PCDHA7: variants seen among roughly 807,000 people sequenced by gnomAD.
PCDHA7 encodes the protein protocadherin alpha 7.
Under a neutral mutation model 57.2 loss-of-function variants are expected in PCDHA7, and 37 were observed. That is an observed-to-expected ratio of 0.65 (90% CI 0.50 to 0.85). The LOEUF (loss-of-function observed/expected upper bound fraction) is 0.85, where lower values mean the gene tolerates loss of function less well. Ranked by LOEUF, PCDHA7 falls within the 40% of genes least tolerant of loss-of-function variation. PCDHA7 has a pLI of 0.00. For missense variants in PCDHA7, 1,188 were observed against 1,241.8 expected, an observed-to-expected ratio of 0.96 and a Z score of 0.65; for synonymous variants, 553 against 558.8, an observed-to-expected ratio of 0.99 and a Z score of 0.15.
intron 3 of PCDHA7, among the ~76,000 whole-genome samples, chr5:140,996,121 G>A (rs2097712758): frequency 6.6e-6 from 1 of 152,212 alleles, no homozygotes; most frequent in Admixed American, 6.5e-5. Flanking sequence ...GTGCAGGGTG[G>A]TGTAGAGGGT....
At chr5:140,965,607 T>C (rs2095916367) in intron 1 of PCDHA7, among the ~76,000 whole-genome samples, 1 of 152,088 alleles carries the variant, frequency 6.6e-6, no homozygotes, top group Non-Finnish European at 1.5e-5. Flanking sequence ...CTTGAAGACA[T>C]TGTCATCCAT....
At chr5:140,927,868 C>T (rs782143210) in intron 1 of PCDHA7, 2 of 1,614,220 alleles carry the variant, frequency 1.2e-6, no homozygotes, top group Admixed American at 1.7e-5. Flanking sequence ...CACCGCTAAA[C>T]TGCTGGTGGA....
chr5:140,868,850 G>C, intron 1 of PCDHA7: 3 of 459,172 alleles, frequency 6.5e-6, no homozygotes, highest in South Asian at 5.9e-5. Flanking sequence ...GTGAAATTCT[G>C]TGGTGGTAAA....
chr5:141,010,293 G>A lies in PCDHA7; in HGVS notation c.*356G>A. ...ATCCTGTCTTGATGACACTTGCAGG[G>A]CAGGCTGAAAAGTTTTGAGATTGAG... On this transcript the variant is annotated 3_prime_UTR_variant, in exon 4 of 4. Transcript: ENST00000525929. The A allele has an allele frequency of 6.5e-7, 1 of 1,549,794 alleles. No individual in the cohort carries two copies. The highest frequency in any genetic ancestry group is 2.4e-5 in the East Asian group (1 of 40,902).
intron 1 of PCDHA7, chr5:140,870,343 C>G (rs375366430): frequency 1.7e-5 from 28 of 1,614,042 alleles, no homozygotes; most frequent in Non-Finnish European, 2.2e-5. Context: ...CGCCCTGGAC[C>G]GCGAGAACGT....
intron 3 of PCDHA7, among the ~76,000 whole-genome samples, chr5:140,992,665 T>A (rs1219714191): frequency 2.6e-5 from 4 of 152,096 alleles, no homozygotes; most frequent in Non-Finnish European, 5.9e-5. Context: ...CTGATTGGTG[T>A]GTATGTGTGT....
At chr5:140,913,166 GTTC>G (rs1273182839) in intron 1 of PCDHA7, among the ~76,000 whole-genome samples, 1 of 152,160 alleles carries the variant, frequency 6.6e-6, no homozygotes, top group Non-Finnish European at 1.5e-5. Flanking sequence ...ATTGGTATTA[GTTC>G]TTCTTTAAAT....
intron 1 of PCDHA7, chr5:140,860,992 T>C (rs173699): frequency 1 from 152,392 of 152,392 alleles, 76,196 homozygotes; most frequent in Non-Finnish European, 1. Context: ...CGGCCTCGGC[T>C]TCCCAAAGTG....
rs934191848 is a variant in PCDHA7 at position 140,866,248 on chromosome 5, C to A, written c.2355+29510C>A. 5.9e-5 allele frequency: 9 copies of A among 152,184 alleles called. 1 individual carries two copies. Among genetic ancestry groups the A allele is most frequent in the Admixed American group, 3.9e-4 (6 of 15,284 alleles). 9.4% of individuals were successfully genotyped at this position (152,184 alleles called of 1,614,324 possible). A position where few individuals can be genotyped will look rare whatever the true frequency, so the allele number is the denominator to read the frequency against. ...TAAATACTATATACCAAAAATGACACCCTTCTTTCTTTACTGTGAATAAAG... is the reference window on the plus strand; with the variant it reads ...TAAATACTATATACCAAAAATGACAACCTTCTTTCTTTACTGTGAATAAAG... On this transcript the variant is annotated intron_variant, in intron 1 of 3. Coordinates refer to ENST00000525929, the MANE Select transcript of PCDHA7 (RefSeq NM_018910.3).
intron 3 of PCDHA7, among the ~76,000 whole-genome samples, chr5:141,000,885 G>C (rs1213239926): frequency 6.6e-6 from 1 of 151,922 alleles, no homozygotes; most frequent in African/African-American, 2.4e-5. Context: ...TCCAACCTGG[G>C]CAACAGATAT....
At chr5:140,870,634 G>T in intron 1 of PCDHA7, 1 of 1,612,862 alleles carries the variant, frequency 6.2e-7, no homozygotes, top group Non-Finnish European at 8.5e-7. Context: ...GTCGGTGCAC[G>T]CGGAGAGCGG....
Position 140,835,560 on chromosome 5 carries a change from G to T in PCDHA7, c.1177G>T (p.Val393Phe), listed in dbSNP as rs2150238266. The change falls in exon 1 of 4, where the codon GTT becomes TTT. Residue 393 changes from valine to phenylalanine, a missense_variant. By Grantham distance (50) the Val-to-Phe change is conservative. This residue lies in a region of PCDHA7 where 892 missense variants were observed against 788.5 expected (regional missense o/e 1.13). Coordinates refer to ENST00000525929, the MANE Select transcript of PCDHA7 (RefSeq NM_018910.3). ...GGTTACCTGCTCCCTGACGCCCCGCGTTCCCTTCAAGTTGGTGTCCACCTT... is the reference window on the plus strand; with the variant it reads ...GGTTACCTGCTCCCTGACGCCCCGCTTTCCCTTCAAGTTGGTGTCCACCTT... ...GQVTCSLTPR[V>F]PFKLVSTFKN... 1 of 1,613,902 alleles carries T rather than the reference G, an allele frequency of 6.2e-7. No homozygotes were observed. The highest frequency in any genetic ancestry group is 1.1e-5 in the South Asian group (1 of 91,070).
chr5:140,882,346 G>A (rs146510190), intron 1 of PCDHA7: 86 of 1,614,078 alleles, frequency 5.3e-5, no homozygotes, highest in African/African-American at 9.3e-5. Flanking sequence ...CCTGGGAGAC[G>A]GGTAGTGGCC....
chr5:140,938,843 C>T (rs1232774282), intron 1 of PCDHA7, among the ~76,000 whole-genome samples: 3 of 152,012 alleles, frequency 2.0e-5, no homozygotes, highest in Admixed American at 6.6e-5. Flanking sequence ...AACAAACCTG[C>T]CCATGTACCC....
chr5:140,838,334 G>A lies in PCDHA7; in HGVS notation c.2355+1596G>A, dbSNP rs2150288149. Among the ~76,000 whole-genome samples the A allele has an allele frequency of 6.8e-5, 10 of 146,222 alleles. 1 individual carries two copies. The South Asian group carries it at 1.1e-3, about 16-fold the overall frequency. On this transcript the variant is annotated intron_variant, in intron 1 of 3. Coordinates refer to ENST00000525929, the MANE Select transcript of PCDHA7 (RefSeq NM_018910.3). ...AAACAGAGTTTCACCATGTTGCCCCGGCTGGTCTCGAAATCTGGGACTCAA... is the reference window on the plus strand; with the variant it reads ...AAACAGAGTTTCACCATGTTGCCCCAGCTGGTCTCGAAATCTGGGACTCAA...
intron 1 of PCDHA7, among the ~76,000 whole-genome samples, chr5:140,912,536 A>G (rs1554195402): frequency 2.0e-5 from 3 of 152,290 alleles, no homozygotes; most frequent in African/African-American, 4.8e-5. Flanking sequence ...GTACATGATC[A>G]TATTGTCAGC....
At chr5:140,975,634 A>G (rs1457671890) in intron 1 of PCDHA7, among the ~76,000 whole-genome samples, 4 of 152,244 alleles carry the variant, frequency 2.6e-5, no homozygotes, top group African/African-American at 9.6e-5. Context: ...TGGTACGAAG[A>G]TAGCATATTA....
intron 3 of PCDHA7, among the ~76,000 whole-genome samples, chr5:140,991,982 A>ACCAC (rs2097483325): frequency 6.6e-6 from 1 of 151,494 alleles, no homozygotes; most frequent in African/African-American, 2.4e-5. Context: ...TATTCTGCCT[A>ACCAC]CCACCCGGTC....
intron 1 of PCDHA7, among the ~76,000 whole-genome samples, chr5:140,914,408 T>C (rs917953173): frequency 6.6e-6 from 1 of 152,224 alleles, no homozygotes; most frequent in Non-Finnish European, 1.5e-5. Context: ...GCTCCTGTTT[T>C]GTTTCCATTA....
Sources: allele counts gnomAD v4.1 joint callset (sites outside exome capture counted in the v4.1 genomes callset), GRCh38; gene constraint gnomAD v4.1.1; regional missense constraint gnomAD v4.1.1; transcripts MANE v1.5; gene names NCBI Gene and HGNC (gene_info 2026-07-23, HGNC 2026-07-21).